GNAZ: variants seen among roughly 807,000 people sequenced by gnomAD.
GNAZ encodes guanine nucleotide-binding protein G(z) subunit alpha.
In GNAZ, 3 loss-of-function variants were observed where a neutral mutation model predicts 25.4. The observed-to-expected ratio is 0.12, with a 90% CI of 0.05 to 0.30. GNAZ has a LOEUF of 0.30. Among genes scored for constraint, GNAZ ranks in the 10% least tolerant of loss-of-function variants. The pLI, the probability that GNAZ is intolerant of heterozygous loss-of-function variation, is 1.00. For synonymous variants in GNAZ, 211 were observed against 205.7 expected, an observed-to-expected ratio of 1.03 and a Z score of -0.22; for missense variants, 241 against 501.8, an observed-to-expected ratio of 0.48 and a Z score of 4.97.
intron 1 of GNAZ, among the ~76,000 whole-genome samples, chr22:23,088,122 C>CT: frequency 6.6e-6 from 1 of 152,356 alleles, no homozygotes; most frequent in East Asian, 1.9e-4. Context: ...AGTTAAATCT[C>CT]TTTCACTGTC....
intron 1 of GNAZ, among the ~76,000 whole-genome samples, chr22:23,088,011 C>A (rs193088266): frequency 3.3e-5 from 5 of 152,166 alleles, no homozygotes; most frequent in Non-Finnish European, 7.3e-5. Context: ...GGGCTGTTAC[C>A]GTCTTTGTTT....
chr22:23,090,231 C>A (rs912223384), intron 1 of GNAZ, among the ~76,000 whole-genome samples: 1 of 152,118 alleles, frequency 6.6e-6, no homozygotes, highest in African/African-American at 2.4e-5. Context: ...TATGTCCCCT[C>A]TCCAAGAGCA....
chr22:23,106,090 C>T (rs1394012217), intron 2 of GNAZ, among the ~76,000 whole-genome samples: 1 of 152,174 alleles, frequency 6.6e-6, no homozygotes, highest in Non-Finnish European at 1.5e-5. Flanking sequence ...GTTAAGGCAC[C>T]ACCTCCAGTC....
intron 1 of GNAZ, among the ~76,000 whole-genome samples, chr22:23,077,463 C>G (rs1648611840): frequency 6.6e-6 from 1 of 152,192 alleles, no homozygotes; most frequent in Non-Finnish European, 1.5e-5. Context: ...GGAGCCTCCT[C>G]TTGGATGTAC....
At chr22:23,078,166 G>A (rs548605374) in intron 1 of GNAZ, among the ~76,000 whole-genome samples, 1 of 152,334 alleles carries the variant, frequency 6.6e-6, no homozygotes, top group East Asian at 1.9e-4. Context: ...CCCCTCACCC[G>A]CTCAGTTACC....
chr22:23,099,173 G>C (rs902400774), intron 2 of GNAZ, among the ~76,000 whole-genome samples: 1 of 152,242 alleles, frequency 6.6e-6, no homozygotes, highest in African/African-American at 2.4e-5. Flanking sequence ...TGGCTTCTGC[G>C]TCAGCACGTT....
chr22:23,110,837 G>C (rs2069625122), intron 2 of GNAZ, among the ~76,000 whole-genome samples: 1 of 152,194 alleles, frequency 6.6e-6, no homozygotes, highest in South Asian at 2.1e-4. Flanking sequence ...TGTTGGGAAG[G>C]ACCCAAGGGC....
intron 1 of GNAZ, among the ~76,000 whole-genome samples, chr22:23,080,410 C>T (rs930590282): frequency 6.6e-6 from 1 of 152,214 alleles, no homozygotes; most frequent in African/African-American, 2.4e-5. Context: ...CAGAAGGACA[C>T]TGGGAGGCCC....
chr22:23,081,963 A>G (rs1234752628), intron 1 of GNAZ, among the ~76,000 whole-genome samples: 2 of 151,286 alleles, frequency 1.3e-5, no homozygotes, highest in Non-Finnish European at 2.9e-5. Context: ...ATCTCTACTA[A>G]AAATACAAAA....
At chr22:23,077,829 C>T (rs1361331943) in intron 1 of GNAZ, among the ~76,000 whole-genome samples, 3 of 152,176 alleles carry the variant, frequency 2.0e-5, no homozygotes, top group African/African-American at 7.2e-5. Flanking sequence ...TCACCCTGAC[C>T]CCAGCAGGCC....
chr22:23,096,389 G>A lies in GNAZ; in HGVS notation c.694G>A (p.Asp232Asn). The change falls in exon 2 of 3, where the codon GAC (aspartate) becomes AAC (asparagine). Residue 232 changes from aspartate (D) to asparagine (N), a missense_variant. Coordinates refer to ENST00000615612, the MANE Select transcript of GNAZ (RefSeq NM_002073.4). ...IIFCVELSGYDLKLYEDNQTS... is the reference protein window; with the variant it reads ...IIFCVELSGYNLKLYEDNQTS... ...CTTCTGTGTGGAGCTCAGCGGCTAC[G>A]ACCTGAAACTCTACGAGGATAACCA... is the stretch of plus-strand genomic sequence containing the variant. 6 of 1,611,068 alleles carry A rather than the reference G, an allele frequency of 3.7e-6. No homozygotes were observed. Among genetic ancestry groups the A allele is most frequent in the South Asian group, 1.1e-5 (1 of 91,004 alleles).
chr22:23,095,787 G>A lies in GNAZ; in HGVS notation c.92G>A (p.Arg31His). ...RHLRSESQRQ[R>H]REIKLLLLGT... is the part of the protein sequence containing the mutation. ...CTGCGCTCAGAGAGCCAGCGGCAACGCCGCGAAATCAAGCTGCTCCTGCTG... is the reference window on the plus strand; with the variant it reads ...CTGCGCTCAGAGAGCCAGCGGCAACACCGCGAAATCAAGCTGCTCCTGCTG... Residue 31 changes from arginine (R) to histidine (H), a missense_variant, in exon 2 of 3, where the codon CGC (arginine) becomes CAC (histidine). Physicochemically the swap from Arg to His is conservative, Grantham distance 29. Coordinates refer to ENST00000615612, the MANE Select transcript of GNAZ (RefSeq NM_002073.4). The A allele has an allele frequency of 6.2e-7, 1 of 1,613,296 alleles. No homozygotes were observed. Among genetic ancestry groups the A allele is most frequent in the Non-Finnish European group, 8.5e-7 (1 of 1,179,986 alleles).
chr22:23,085,139 C>G (rs2068783862), intron 1 of GNAZ, among the ~76,000 whole-genome samples: 1 of 152,186 alleles, frequency 6.6e-6, no homozygotes, highest in South Asian at 2.1e-4. Flanking sequence ...CAGGCTAAGC[C>G]CGTCTGCTGC....
intron 1 of GNAZ, among the ~76,000 whole-genome samples, chr22:23,086,016 C>T (rs112819339): frequency 1.0e-3 from 153 of 152,382 alleles, no homozygotes; most frequent in African/African-American, 3.4e-3. Context: ...GGCAGGGTCC[C>T]GCCCCTGGCT....
Position 23,106,280 on chromosome 22 carries a change from C to T in GNAZ, c.723+9862C>T, listed in dbSNP as rs11703018. Among the ~76,000 whole-genome samples the T allele has an allele frequency of 4.3e-3, 658 of 152,330 alleles. 2 individuals carry two copies. Among genetic ancestry groups the T allele is most frequent in the South Asian group, 9.1e-3 (44 of 4,822 alleles). On this transcript the variant is annotated intron_variant, in intron 2 of 2. Coordinates refer to ENST00000615612, the MANE Select transcript of GNAZ (RefSeq NM_002073.4). Reference sequence around the variant, plus strand: ...AGTGACATGAGGGTAAGGGGGGTGGCGCCTTGGGCCTGTGCTGGAGAACAG... The same window carrying T: ...AGTGACATGAGGGTAAGGGGGGTGGTGCCTTGGGCCTGTGCTGGAGAACAG...
At position 23,074,427 on chromosome 22, in the gene GNAZ, T is replaced by G. The variant is rs920674573; in HGVS notation, c.-450+3857T>G. 3.3e-5 allele frequency among the ~76,000 whole-genome samples: 5 copies of G among 152,160 alleles called. No homozygotes were observed. In the East Asian group the frequency reaches 9.6e-4, roughly 29 times the overall value. ...AACCAGTAGAAAGATGGAGCTGGTA[T>G]TGGCTGAGAAGCAAGATACAGAAAA... On this transcript the variant is annotated intron_variant, in intron 1 of 2. Coordinates refer to ENST00000615612, the MANE Select transcript of GNAZ (RefSeq NM_002073.4).
At chr22:23,085,804 C>T (rs904630972) in intron 1 of GNAZ, among the ~76,000 whole-genome samples, 1 of 152,174 alleles carries the variant, frequency 6.6e-6, no homozygotes, top group East Asian at 1.9e-4. Context: ...GCAACACCAT[C>T]GAACCCTAGG....
chr22:23,086,171 A>C (rs1452043420), intron 1 of GNAZ, among the ~76,000 whole-genome samples: 1 of 152,256 alleles, frequency 6.6e-6, no homozygotes, highest in African/African-American at 2.4e-5. Context: ...AATTTAAAGA[A>C]AAATGCTGAG....
At chr22:23,117,174 G>A (rs182463243) in intron 2 of GNAZ, among the ~76,000 whole-genome samples, 1 of 152,222 alleles carries the variant, frequency 6.6e-6, no homozygotes, top group Admixed American at 6.5e-5. Flanking sequence ...GGAAGAGCCT[G>A]GTACTTGGGG....
Sources: gnomAD v4.1 joint callset for allele counts (sites outside exome capture counted in the v4.1 genomes callset) on GRCh38, gnomAD v4.1.1 for gene constraint, MANE v1.5 for transcripts, NCBI Gene and HGNC (gene_info 2026-07-23, HGNC 2026-07-21) for gene names.